USP49: variants seen among roughly 807,000 people sequenced by gnomAD.
USP49 encodes ubiquitin specific peptidase 49, also known as ubiquitin carboxyl-terminal hydrolase 49.
Under a neutral mutation model 58.6 loss-of-function variants are expected in USP49, and 24 were observed. That is an observed-to-expected ratio of 0.41 (90% confidence interval 0.30 to 0.58). USP49 has a LOEUF of 0.58. Among genes scored for constraint, USP49 ranks in the 20% least tolerant of loss-of-function variants. USP49 has a pLI of 0.30. For missense variants in USP49, 703 were observed against 866.1 expected (o/e 0.81, Z 2.36); for synonymous variants, 408 against 365.1 (o/e 1.12, Z -1.34).
intron 3 of USP49, among the ~76,000 whole-genome samples, chr6:41,855,857 G>T (rs1187000498): frequency 1.3e-5 from 2 of 151,058 alleles, no homozygotes; most frequent in African/African-American, 4.9e-5. Context: ...AGACCAGAAT[G>T]GCCAACATGG....
intron 3 of USP49, among the ~76,000 whole-genome samples, chr6:41,831,319 G>T (rs1773630012): frequency 6.6e-6 from 1 of 152,082 alleles, no homozygotes; most frequent in African/African-American, 2.4e-5. Flanking sequence ...GAACCCAGGG[G>T]GTGGAGGTTG....
intron 2 of USP49, among the ~76,000 whole-genome samples, chr6:41,888,747 C>T (rs946481682): frequency 1.3e-5 from 2 of 151,870 alleles, no homozygotes; most frequent in Non-Finnish European, 2.9e-5. Flanking sequence ...GCCACCGCAC[C>T]CAGCCACAAG....
chr6:41,883,858 C>T (rs1774660245), intron 2 of USP49, among the ~76,000 whole-genome samples: 1 of 151,808 alleles, frequency 6.6e-6, no homozygotes, highest in African/African-American at 2.4e-5. Context: ...GGGTCTGTGT[C>T]CCTGAGAATT....
intron 3 of USP49, among the ~76,000 whole-genome samples, chr6:41,848,855 A>G (rs774705475): frequency 6.7e-5 from 9 of 133,618 alleles, no homozygotes; most frequent in Non-Finnish European, 1.1e-4. Flanking sequence ...GACACCGTCT[A>G]AAAAAAAAAA....
chr6:41,838,559 T>C (rs1328333640), intron 3 of USP49, among the ~76,000 whole-genome samples: 1 of 152,130 alleles, frequency 6.6e-6, no homozygotes, highest in Non-Finnish European at 1.5e-5. Flanking sequence ...GCCCTATCCC[T>C]AGGGGAAGGG....
chr6:41,806,776 G>A lies in USP49; in HGVS notation c.208C>T (p.Arg70Trp), dbSNP rs756046198. 7 of 1,614,070 alleles carry A rather than the reference G, an allele frequency of 4.3e-6. No individual in the cohort carries two copies. In the East Asian group the frequency reaches 1.1e-4, roughly 26 times the overall value. ...AGGTAACAGAACACGTAGAGATCCC[G>A]GACTTCCATGGCTAGCGGGTGTCCC... ...ETGHPLAMEV[R>W]DLYVFCYLCK... is the part of the protein sequence containing the mutation. Residue 70 changes from arginine (R) to tryptophan (W), a missense_variant, in exon 4 of 8, where the codon CGG becomes TGG. This residue lies in a region of USP49 where 376 missense variants were observed against 373.5 expected (regional missense o/e 1.01). Coordinates refer to ENST00000682992, the MANE Select transcript of USP49 (RefSeq NM_001286554.2). This position sits in a 1 kb window ranked among gnomAD's most constrained non-coding sequence, Gnocchi z 5.9.
At position 41,876,788 on chromosome 6, in the gene USP49, AATTTACATGC is replaced by A. The variant is rs1774511315; in HGVS notation, c.-102-5161_-102-5152del. ...AATTCACACAACTAAATAAAGAAAA[AATTTACATGC>A]ATTTACAGCTAAATAAAGAAAACTT... On this transcript the variant is annotated intron_variant, in intron 2 of 7. Transcript: ENST00000682992. Among the ~76,000 whole-genome samples the A allele has an allele frequency of 5.9e-5, 9 of 152,312 alleles. No individual in the cohort carries two copies. In the South Asian group the frequency reaches 1.9e-3, roughly 32 times the overall value.
At chr6:41,810,130 C>T (rs865796719) in intron 3 of USP49, among the ~76,000 whole-genome samples, 8 of 143,194 alleles carry the variant, frequency 5.6e-5, no homozygotes, top group African/African-American at 1.3e-4. Context: ...TCAGCCTGGG[C>T]GACAGAGCAA....
intron 3 of USP49, among the ~76,000 whole-genome samples, chr6:41,822,062 T>G (rs1486096571): frequency 6.6e-6 from 1 of 152,176 alleles, no homozygotes; most frequent in African/African-American, 2.4e-5. Flanking sequence ...AAAAGCCTAT[T>G]GAATCCATAA....
At chr6:41,836,719 A>T (rs1175066525) in intron 3 of USP49, among the ~76,000 whole-genome samples, 1 of 152,232 alleles carries the variant, frequency 6.6e-6, no homozygotes, top group African/African-American at 2.4e-5. Context: ...AAAAGATCCT[A>T]GATCTTATAA....
intron 3 of USP49, among the ~76,000 whole-genome samples, chr6:41,858,485 T>G (rs956226117): frequency 6.6e-6 from 1 of 152,084 alleles, no homozygotes; most frequent in African/African-American, 2.4e-5. Context: ...ACTATTTCTC[T>G]CCATCATATC....
At position 41,790,177 on chromosome 6, in the gene USP49, T is replaced by G. The variant is rs1425554231; in HGVS notation, c.*6356A>C. 1 of 152,186 alleles carries G rather than the reference T, an allele frequency of 6.6e-6. No homozygotes were observed. The highest frequency in any genetic ancestry group is 1.5e-5 in the Non-Finnish European group (1 of 68,028). 9.4% of individuals were successfully genotyped at this position (152,186 alleles called of 1,614,324 possible). The stretch of plus-strand genomic sequence containing the variant: ...GAAGCCATTTGGTGTTGCATAGCAT[T>G]TTAGTGCACCAGATGGGTTTTCCAG... On this transcript the variant is annotated 3_prime_UTR_variant, in exon 8 of 8. Coordinates refer to ENST00000682992, the MANE Select transcript of USP49 (RefSeq NM_001286554.2).
At chr6:41,847,657 T>A (rs1378258292) in intron 3 of USP49, among the ~76,000 whole-genome samples, 1 of 151,560 alleles carries the variant, frequency 6.6e-6, no homozygotes, top group Non-Finnish European at 1.5e-5. Flanking sequence ...GAGGTTGCAG[T>A]GAGCCAAGAT....
chr6:41,798,137 G>T, intron 7 of USP49: 1 of 154,398 alleles, frequency 6.5e-6, no homozygotes, highest in South Asian at 1.9e-4. Context: ...CAAAGTGTTG[G>T]AATTACAGGT....
At chr6:41,858,755 T>A (rs1000147527) in intron 3 of USP49, among the ~76,000 whole-genome samples, 1 of 152,194 alleles carries the variant, frequency 6.6e-6, no homozygotes, top group Admixed American at 6.5e-5. Flanking sequence ...AGTGAAGCCT[T>A]CCCTGGTCAC....
intron 3 of USP49, among the ~76,000 whole-genome samples, chr6:41,846,693 T>C (rs1400232350): frequency 1.3e-5 from 2 of 152,222 alleles, no homozygotes. Flanking sequence ...GCAAAAGGGT[T>C]AGGAAATTTC....
intron 2 of USP49, among the ~76,000 whole-genome samples, chr6:41,882,926 A>G (rs1306826647): frequency 6.6e-6 from 1 of 152,062 alleles, no homozygotes; most frequent in African/African-American, 2.4e-5. Flanking sequence ...AAAACAAAAA[A>G]CAAAAAACAA....
At chr6:41,840,387 A>G (rs896345363) in intron 3 of USP49, among the ~76,000 whole-genome samples, 1 of 151,958 alleles carries the variant, frequency 6.6e-6, no homozygotes, top group Non-Finnish European at 1.5e-5. Context: ...AAAAAAAAAA[A>G]AAGAAAATTA....
chr6:41,800,551 C>T (rs775026582), intron 5 of USP49, among the ~76,000 whole-genome samples: 1 of 152,206 alleles, frequency 6.6e-6, no homozygotes, highest in Non-Finnish European at 1.5e-5. Flanking sequence ...GGTTCCATGT[C>T]TTCACAATGG....
Sources: allele counts gnomAD v4.1 joint callset (sites outside exome capture counted in the v4.1 genomes callset), GRCh38; gene constraint gnomAD v4.1.1; regional missense constraint gnomAD v4.1.1; non-coding constraint Gnocchi (gnomAD v3.1); transcripts MANE v1.5; gene names NCBI Gene and HGNC (gene_info 2026-07-23, HGNC 2026-07-21).